MYRFL: variants seen among roughly 807,000 people sequenced by gnomAD.
MYRFL encodes the protein myelin regulatory factor like.
In MYRFL, 88 loss-of-function variants were observed where a neutral mutation model predicts 109.4. The observed-to-expected ratio is 0.80, with a 90% CI of 0.68 to 0.96. The LOEUF (loss-of-function observed/expected upper bound fraction) is 0.96, where lower values mean the gene tolerates loss of function less well. Ranked by LOEUF, MYRFL falls within the 40% of genes least tolerant of loss-of-function variation. The pLI is 0.00. For missense variants in MYRFL, 957 were observed against 954.9 expected (o/e 1.00, Z -0.03); for synonymous variants, 324 against 320.9 (o/e 1.01, Z -0.10).
chr12:69,898,100 A>G (rs1468069972), intron 10 of MYRFL, among the ~76,000 whole-genome samples: 1 of 152,210 alleles, frequency 6.6e-6, no homozygotes, highest in African/African-American at 2.4e-5. Context: ...AAACTCCAAT[A>G]GAGAACAATG....
At position 69,933,370 on chromosome 12, in the gene MYRFL, T is replaced by C. The variant is rs142870810; in HGVS notation, c.1916+772T>C. On this transcript the variant is annotated intron_variant, in intron 16 of 24. Transcript: ENST00000552032. ...TTCTCTGGGCCTTTGAGTGCACCTG[T>C]TTTTTTCTTAGTCTGACTATTCATA... 4.4e-3 allele frequency among the ~76,000 whole-genome samples: 666 copies of C among 152,214 alleles called. 6 individuals carry two copies. The highest frequency in any genetic ancestry group is 0.015 in the African/African-American group (636 of 41,506).
intron 23 of MYRFL, 138 bp from the exon 24 acceptor site, chr12:69,958,110 GT>G: frequency 8.5e-7 from 1 of 1,175,674 alleles, no homozygotes; most frequent in Non-Finnish European, 1.2e-6. Flanking sequence ...TGCTAGGACT[GT>G]TCTAGCAACA....
At position 69,888,722 on chromosome 12, in the gene MYRFL, T is replaced by G. The variant is rs371407599; in HGVS notation, c.707+1752T>G. Reference sequence around the variant, plus strand: ...TTTTTTTCTTCAGAGTTTTTGACAGTGAAGCATAAAACATCACCAAAAATG... The same window carrying G: ...TTTTTTTCTTCAGAGTTTTTGACAGGGAAGCATAAAACATCACCAAAAATG... On this transcript the variant is annotated intron_variant, in intron 6 of 24. Transcript: ENST00000552032. Among the ~76,000 whole-genome samples the G allele has an allele frequency of 2.4e-4, 36 of 152,332 alleles. No homozygotes were observed. In the South Asian group the frequency reaches 6.6e-3, roughly 28 times the overall value.
At chr12:69,839,694 A>G (rs1406201591) in intron 1 of MYRFL, among the ~76,000 whole-genome samples, 4 of 152,244 alleles carry the variant, frequency 2.6e-5, no homozygotes, top group Non-Finnish European at 5.9e-5. Context: ...TGTTTTGAGT[A>G]TTAAATGAGA....
chr12:69,849,072 A>T (rs141948352), intron 1 of MYRFL, among the ~76,000 whole-genome samples: 2 of 152,164 alleles, frequency 1.3e-5, no homozygotes, highest in African/African-American at 4.8e-5. Context: ...GGGTTTCACC[A>T]TGTTTGCCAG....
rs1422937387 is a variant in MYRFL, at chr12:69,888,454, A to T, written c.707+1484A>T. 2.6e-5 allele frequency among the ~76,000 whole-genome samples: 4 copies of T among 152,196 alleles called. 1 individual carries two copies. Among genetic ancestry groups the T allele is most frequent in the Middle Eastern group, 3.4e-3 (1 of 294 alleles). Reference sequence around the variant, plus strand: ...CAGTTAGGGCATTAAAATTTTATCAATTTTTTTCTGAATTATGTTTCAATG... The same window carrying T: ...CAGTTAGGGCATTAAAATTTTATCATTTTTTTTCTGAATTATGTTTCAATG... On this transcript the variant is annotated intron_variant, in intron 6 of 24. Coordinates refer to ENST00000552032, the MANE Select transcript of MYRFL (RefSeq NM_182530.3).
intron 2 of MYRFL, among the ~76,000 whole-genome samples, chr12:69,857,326 T>G (rs1239883916): frequency 6.6e-6 from 1 of 151,942 alleles, no homozygotes; most frequent in Non-Finnish European, 1.5e-5. Context: ...TAATATAGTG[T>G]AAGTCCTCTG....
At chr12:69,891,561 A>ATTTATTTC (rs1555249260) in intron 7 of MYRFL, among the ~76,000 whole-genome samples, 1 of 113,998 alleles carries the variant, frequency 8.8e-6, no homozygotes, top group African/African-American at 3.1e-5. Context: ...AAAGGTGTCA[A>ATTTATTTC]TTTCTTTCTT....
At chr12:69,889,091 A>G (rs1886633184) in intron 6 of MYRFL, among the ~76,000 whole-genome samples, 1 of 152,090 alleles carries the variant, frequency 6.6e-6, no homozygotes, top group Admixed American at 6.6e-5. Context: ...TTAGAGGAAA[A>G]TTTAGAAACT....
chr12:69,889,779 C>A (rs1021192282), intron 6 of MYRFL, among the ~76,000 whole-genome samples: 1 of 152,090 alleles, frequency 6.6e-6, no homozygotes, highest in African/African-American at 2.4e-5. Flanking sequence ...ATTGCTTGAA[C>A]CCGGGAGGCG....
chr12:69,941,904 C>A (rs1362053925), intron 19 of MYRFL, among the ~76,000 whole-genome samples: 103 of 139,712 alleles, frequency 7.4e-4, no homozygotes, highest in South Asian at 1.3e-3. Flanking sequence ...ATACTACAAA[C>A]ACCTCTACGC....
Position 69,927,665 on chromosome 12 carries a change from A to T in MYRFL, c.1767-20A>T, listed in dbSNP as rs776217284. On this transcript the variant is annotated intron_variant, in intron 14 of 24. Coordinates refer to ENST00000552032, the MANE Select transcript of MYRFL (RefSeq NM_182530.3). ...TGGAGAGGTATTTGAATAGTAACCAATTTTCTCTCTCTTTTAAAGCAAATC... is the reference window on the plus strand; with the variant it reads ...TGGAGAGGTATTTGAATAGTAACCATTTTTCTCTCTCTTTTAAAGCAAATC... 26 of 1,527,654 alleles carry T rather than the reference A, an allele frequency of 1.7e-5. No individual in the cohort carries two copies. In the South Asian group the frequency reaches 2.7e-4, roughly 16 times the overall value. The allele number at this position is 1,527,654 out of a possible 1,614,324, so 94.6% of individuals were successfully genotyped here.
Position 69,880,951 on chromosome 12 carries a change from G to GTTTTTTTT in MYRFL, c.556+670_556+677dup, listed in dbSNP as rs71094746. ...TAATGTCCAAGCGGTCAGCCTTCCT[G>GTTTTTTTT]TTTTTTTTTTTTTTTTTTGTCTTAT... On this transcript the variant is annotated intron_variant, in intron 5 of 24. Transcript: ENST00000552032. Among the ~76,000 whole-genome samples, 981 of 112,202 alleles carry GTTTTTTTT rather than the reference G, an allele frequency of 8.7e-3. 18 individuals are homozygous for GTTTTTTTT. Among genetic ancestry groups the GTTTTTTTT allele is most frequent in the South Asian group, 0.013 (45 of 3,350 alleles). 73.6% of individuals were successfully genotyped at this position (112,202 alleles called of 152,430 possible). A position where few individuals can be genotyped will look rare whatever the true frequency, so the allele number is the denominator to read the frequency against.
At chr12:69,872,691 G>T (rs1011642267) in intron 2 of MYRFL, among the ~76,000 whole-genome samples, 4 of 151,948 alleles carry the variant, frequency 2.6e-5, no homozygotes, top group African/African-American at 7.3e-5. Context: ...AGTAGAGATG[G>T]GGTTTCACCA....
intron 19 of MYRFL, among the ~76,000 whole-genome samples, chr12:69,945,259 C>T (rs1431202512): frequency 6.6e-6 from 1 of 152,224 alleles, no homozygotes; most frequent in East Asian, 1.9e-4. Flanking sequence ...CCCAGGCCTT[C>T]AGATTCACTC....
At chr12:69,951,115 G>C (rs1325596000) in intron 19 of MYRFL, among the ~76,000 whole-genome samples, 1 of 152,192 alleles carries the variant, frequency 6.6e-6, no homozygotes, top group Admixed American at 6.5e-5. Flanking sequence ...TGACTGCATT[G>C]ATGGTTCAGT....
At chr12:69,830,186 A>G (rs1407088204) in intron 1 of MYRFL, among the ~76,000 whole-genome samples, 1 of 151,952 alleles carries the variant, frequency 6.6e-6, no homozygotes, top group African/African-American at 2.4e-5. Flanking sequence ...CTCCAGGAAT[A>G]GGTCTGGTTA....
intron 5 of MYRFL, 24 bp from the exon 6 acceptor site, chr12:69,886,796 T>C (rs1886481739): frequency 2.6e-6 from 4 of 1,535,166 alleles, no homozygotes; most frequent in Middle Eastern, 1.7e-4. Flanking sequence ...GAAGGAAGGC[T>C]CTGACGCACC....
chr12:69,904,933 C>T (rs147538960), intron 11 of MYRFL, among the ~76,000 whole-genome samples: 1 of 152,312 alleles, frequency 6.6e-6, no homozygotes, highest in Non-Finnish European at 1.5e-5. Flanking sequence ...CCTAAACCAG[C>T]CAAGGAATGT....
Sources: allele counts gnomAD v4.1 joint callset (sites outside exome capture counted in the v4.1 genomes callset), GRCh38; gene constraint gnomAD v4.1.1; transcripts MANE v1.5; gene names NCBI Gene and HGNC (gene_info 2026-07-23, HGNC 2026-07-21).